CSMD3: variants seen among roughly 807,000 people sequenced by gnomAD.
CSMD3 encodes the protein CUB and Sushi multiple domains 3.
CSMD3 carries 177 observed loss-of-function variants against 435.2 expected under a neutral mutation model. The ratio of observed to expected loss-of-function variants is 0.41; its 90% CI spans 0.36 to 0.46. CSMD3 has a LOEUF of 0.46. Ranked by LOEUF, CSMD3 falls within the 20% of genes least tolerant of loss-of-function variation. The pLI is 0.34. For synonymous variants in CSMD3, 1,656 were observed against 1,520.5 expected, an observed-to-expected ratio of 1.09 and a Z score of -2.07; for missense variants, 4,265 against 4,504.6, an observed-to-expected ratio of 0.95 and a Z score of 1.52.
intron 54 of CSMD3, 88 bp from the exon 55 acceptor site, chr8:112,292,798 C>G (rs1238338007): frequency 8.7e-7 from 1 of 1,153,580 alleles, no homozygotes; most frequent in Non-Finnish European, 1.3e-6. Context: ...TATACTTAAT[C>G]ATTTCAAACA....
rs184655356 is a variant in CSMD3, at chr8:113,186,832, C to T, written c.515-12916G>A. 3.3e-5 allele frequency among the ~76,000 whole-genome samples: 5 copies of T among 152,036 alleles called. No individual in the cohort carries two copies. The East Asian group carries it at 5.9e-4, about 18-fold the overall frequency. On this transcript the variant is annotated intron_variant, in intron 3 of 70. Transcript: ENST00000297405. ...TGAAAAATTTCTAGTCCCAAGTCCT[C>T]GTAGTTGTTGCTGGGAGAAGTTCAT...
chr8:112,913,741 T>C (rs564963313), intron 10 of CSMD3, among the ~76,000 whole-genome samples: 1 of 151,836 alleles, frequency 6.6e-6, no homozygotes, highest in Admixed American at 6.6e-5. Context: ...CCTGTGGCTT[T>C]ATACTTAGTT....
In CSMD3 at chr8:112,254,335, A is replaced by C; in HGVS notation, c.10037-9T>G. On this transcript the variant is annotated splice_polypyrimidine_tract_variant and intron_variant, in intron 62 of 70. Transcript: ENST00000297405. ...AGAGGTTTGGGTAGGCTCTAAAATGAAGATTAAAAAGATATTAGTCCTTTA... is the reference window on the plus strand; with the variant it reads ...AGAGGTTTGGGTAGGCTCTAAAATGCAGATTAAAAAGATATTAGTCCTTTA... The C allele has an allele frequency of 6.3e-7, 1 of 1,587,548 alleles. No individual in the cohort carries two copies. Among genetic ancestry groups the C allele is most frequent in the South Asian group, 1.1e-5 (1 of 90,552 alleles).
intron 27 of CSMD3, among the ~76,000 whole-genome samples, chr8:112,535,670 A>T (rs1826003408): frequency 6.6e-6 from 1 of 152,062 alleles, no homozygotes; most frequent in South Asian, 2.1e-4. Flanking sequence ...GGAAAAAACT[A>T]CTTTAAAGTT....
At position 112,739,580 on chromosome 8, in the gene CSMD3, G is replaced by A. The variant is rs572254652; in HGVS notation, c.1973-49530C>T. The stretch of plus-strand genomic sequence containing the variant: ...CTAAAACCTATCAGACCTCCAGGAA[G>A]AGTCTTTTAACTTCTTTGAGTAGAA... On this transcript the variant is annotated intron_variant, in intron 13 of 70. Transcript: ENST00000297405. Among the ~76,000 whole-genome samples, 149 of 151,784 alleles carry A rather than the reference G, an allele frequency of 9.8e-4. 1 individual carries two copies. Among genetic ancestry groups the A allele is most frequent in the African/African-American group, 3.5e-3 (145 of 41,424 alleles).
intron 27 of CSMD3, among the ~76,000 whole-genome samples, chr8:112,533,574 T>C (rs561300833): frequency 6.6e-6 from 1 of 151,970 alleles, no homozygotes; most frequent in Admixed American, 6.6e-5. Flanking sequence ...ATAACAATCA[T>C]AAATATATAT....
In CSMD3 at chr8:113,174,059, A is replaced by T. The variant is rs559565237; in HGVS notation, c.515-143T>A. ...CTGAAAGGAACTGTCTTCTATTCCA[A>T]TACATGTGACAGTGAATATGGGAAG... is the stretch of plus-strand genomic sequence containing the variant. On this transcript the variant is annotated intron_variant, in intron 3 of 70. Transcript: ENST00000297405. 1.6e-5 allele frequency: 11 copies of T among 678,504 alleles called. No homozygotes were observed. The East Asian group carries it at 2.7e-4, about 17-fold the overall frequency. 42.0% of individuals were successfully genotyped at this position (678,504 alleles called of 1,614,324 possible). A position where few individuals can be genotyped will look rare whatever the true frequency, so the allele number is the denominator to read the frequency against.
At chr8:112,901,042 C>T (rs2130437486) in intron 10 of CSMD3, among the ~76,000 whole-genome samples, 1 of 151,260 alleles carries the variant, frequency 6.6e-6, no homozygotes, top group Non-Finnish European at 1.5e-5. Context: ...AGAGAGGTGG[C>T]AGAAGTTTCT....
At chr8:113,181,746 A>T (rs1258233120) in intron 3 of CSMD3, among the ~76,000 whole-genome samples, 1 of 152,036 alleles carries the variant, frequency 6.6e-6, no homozygotes, top group Non-Finnish European at 1.5e-5. Context: ...AGAAATACAA[A>T]TACAAAAAGG....
chr8:113,022,058 C>A (rs1356138618), intron 5 of CSMD3, among the ~76,000 whole-genome samples: 1 of 152,156 alleles, frequency 6.6e-6, no homozygotes, highest in East Asian at 1.9e-4. Context: ...TATTTACACT[C>A]ATTCTAAACA....
In CSMD3 at chr8:112,352,492, C is replaced by G. The variant is rs2131063579; in HGVS notation, c.6179G>C (p.Ser2060Thr). The G allele has an allele frequency of 6.2e-7, 1 of 1,613,628 alleles. No homozygotes were observed. Among genetic ancestry groups the G allele is most frequent in the Non-Finnish European group, 8.5e-7 (1 of 1,179,738 alleles). The change falls in exon 39 of 71, where the codon AGT becomes ACT. Residue 2060 changes from serine to threonine, a missense_variant. Physicochemically the swap from Ser to Thr is moderately conservative, Grantham distance 58 (BLOSUM62 1). Coordinates refer to ENST00000297405, the MANE Select transcript of CSMD3 (RefSeq NM_198123.2). ...DSCPEPQTPS[S>T]GIKIGDRYMV... ...ATATCTGTCTCCAATTTTAATTCCA[C>G]TGCTAGGAGTTTGTGGTTCAGGACA...
rs1320843387 is a variant in CSMD3, at chr8:112,811,368, T to G, written c.1860-11094A>C. On this transcript the variant is annotated intron_variant, in intron 12 of 70. Coordinates refer to ENST00000297405, the MANE Select transcript of CSMD3 (RefSeq NM_198123.2). Reference sequence around the variant, plus strand: ...AAACCTAAAGTTGTAGATGCTTTCTTTTTCTTTCAGATATGTGTAAATGTT... The same window carrying G: ...AAACCTAAAGTTGTAGATGCTTTCTGTTTCTTTCAGATATGTGTAAATGTT... Among the ~76,000 whole-genome samples the G allele has an allele frequency of 1.3e-5, 2 of 151,602 alleles. 1 individual carries two copies. The highest frequency in any genetic ancestry group is 4.8e-5 in the African/African-American group (2 of 41,298).
chr8:112,298,625 C>T (rs1177435839), intron 53 of CSMD3, among the ~76,000 whole-genome samples: 1 of 152,006 alleles, frequency 6.6e-6, no homozygotes, highest in Non-Finnish European at 1.5e-5. Flanking sequence ...AGAACTCCTA[C>T]AATTCATAAC....
intron 10 of CSMD3, among the ~76,000 whole-genome samples, chr8:112,913,819 C>G (rs1370522960): frequency 6.6e-6 from 1 of 151,738 alleles, no homozygotes; most frequent in Non-Finnish European, 1.5e-5. Flanking sequence ...CTTTTTGAAT[C>G]CCTGCTTATC....
chr8:112,876,571 A>G (rs2081287808), intron 10 of CSMD3, among the ~76,000 whole-genome samples: 2 of 152,168 alleles, frequency 1.3e-5, no homozygotes, highest in Non-Finnish European at 2.9e-5. Context: ...AAGAGAACTA[A>G]TGACAAAAAC....
intron 2 of CSMD3, among the ~76,000 whole-genome samples, chr8:113,298,841 T>C (rs1049787470): frequency 1.4e-4 from 22 of 152,130 alleles, no homozygotes; most frequent in African/African-American, 5.1e-4. Flanking sequence ...AACAGGAAGG[T>C]AAGAAGGAGC....
chr8:113,101,881 G>A (rs1283578822), intron 4 of CSMD3, among the ~76,000 whole-genome samples: 1 of 151,768 alleles, frequency 6.6e-6, no homozygotes, highest in African/African-American at 2.4e-5. Flanking sequence ...ATTTTGGTTT[G>A]GTGTCCCTAC....
At chr8:113,206,767 T>C (rs2092775736) in intron 3 of CSMD3, among the ~76,000 whole-genome samples, 1 of 152,176 alleles carries the variant, frequency 6.6e-6, no homozygotes, top group Non-Finnish European at 1.5e-5. Flanking sequence ...CTTATATACA[T>C]GAATGGAAAA....
intron 1 of CSMD3, chr8:113,376,526 C>T: frequency 1.8e-6 from 1 of 553,236 alleles, no homozygotes; most frequent in Non-Finnish European, 3.2e-6. Flanking sequence ...ATTCTGTCTT[C>T]TGTCTTTTCT....
Sources: allele counts gnomAD v4.1 joint callset (sites outside exome capture counted in the v4.1 genomes callset), GRCh38; gene constraint gnomAD v4.1.1; transcripts MANE v1.5; gene names NCBI Gene and HGNC (gene_info 2026-07-23, HGNC 2026-07-21).